The following CEP126 variants were observed in gnomAD, a reference collection of about 807,000 sequenced individuals.
CEP126 encodes centrosomal protein 126, also known as centrosomal protein of 126 kDa.
CEP126 carries 74 observed loss-of-function variants against 107.8 expected under a neutral mutation model. That is an observed-to-expected ratio of 0.69 (90% confidence interval 0.57 to 0.83). The LOEUF is 0.83. Ranked by LOEUF, CEP126 falls within the 40% of genes least tolerant of loss-of-function variation. CEP126 has a pLI of 0.00. For missense variants in CEP126, 1,237 were observed against 1,281.9 expected, an observed-to-expected ratio of 0.96 and a Z score of 0.53; for synonymous variants, 449 against 446.0, an observed-to-expected ratio of 1.01 and a Z score of -0.08.
intron 2 of CEP126, among the ~76,000 whole-genome samples, chr11:101,924,552 G>C (rs145614910): frequency 1.7e-4 from 26 of 151,858 alleles, no homozygotes; most frequent in Non-Finnish European, 3.4e-4. Context: ...TGCAACCTCC[G>C]CCTCCCAGAT....
At chr11:101,948,543 T>C (rs1940769932) in intron 4 of CEP126, among the ~76,000 whole-genome samples, 1 of 152,162 alleles carries the variant, frequency 6.6e-6, no homozygotes. Flanking sequence ...ACTGAAAATC[T>C]CTCCTGGATG....
chr11:101,917,313 T>C (rs147083835), intron 1 of CEP126, among the ~76,000 whole-genome samples: 1 of 152,020 alleles, frequency 6.6e-6, no homozygotes, highest in African/African-American at 2.4e-5. Flanking sequence ...GAGTAGGTGC[T>C]CAAATTTACA....
At chr11:101,954,636 T>TTATATA (rs766312807) in intron 4 of CEP126, among the ~76,000 whole-genome samples, 3,095 of 151,156 alleles carry the variant, frequency 0.02, 33 homozygotes, top group Middle Eastern at 0.028. Context: ...GTGTGTATGT[T>TTATATA]TATATATACA....
intron 3 of CEP126, 24 bp from the exon 4 acceptor site, chr11:101,948,007 G>C (rs754157562): frequency 1.5e-5 from 21 of 1,376,748 alleles, no homozygotes; most frequent in Admixed American, 3.4e-5. Flanking sequence ...ATTCTGTACT[G>C]TTCGGTCTTT....
At chr11:101,918,212 C>G (rs1940260563) in intron 1 of CEP126, among the ~76,000 whole-genome samples, 1 of 152,116 alleles carries the variant, frequency 6.6e-6, no homozygotes, top group Non-Finnish European at 1.5e-5. Context: ...CTTTGGGAGG[C>G]CGAGGTAGGC....
In CEP126 at chr11:101,937,518, A is replaced by G. The variant is rs541371719; in HGVS notation, c.249-6747A>G. Reference sequence around the variant, plus strand: ...ATTTCAGATTTTGGATTTGCTGATTAGAGATGCTTAACCTGTATTTTGTGA... The same window carrying G: ...ATTTCAGATTTTGGATTTGCTGATTGGAGATGCTTAACCTGTATTTTGTGA... On this transcript the variant is annotated intron_variant, in intron 2 of 10. Transcript: ENST00000263468. Among the ~76,000 whole-genome samples the G allele has an allele frequency of 1.2e-4, 18 of 152,340 alleles. No individual in the cohort carries two copies. In the South Asian group the frequency reaches 3.5e-3, roughly 30 times the overall value.
chr11:101,918,216 G>A (rs1470829463), intron 1 of CEP126, among the ~76,000 whole-genome samples: 2 of 152,166 alleles, frequency 1.3e-5, no homozygotes, highest in Non-Finnish European at 2.9e-5. Flanking sequence ...GGGAGGCCGA[G>A]GTAGGCAGAT....
At chr11:101,990,761 G>A (rs1200728554) in intron 9 of CEP126, among the ~76,000 whole-genome samples, 4 of 151,706 alleles carry the variant, frequency 2.6e-5, no homozygotes, top group Admixed American at 6.6e-5. Flanking sequence ...TCTACTGTGC[G>A]CACATGCAGG....
chr11:101,925,020 C>T (rs1940386428), intron 2 of CEP126, among the ~76,000 whole-genome samples: 1 of 152,182 alleles, frequency 6.6e-6, no homozygotes, highest in Non-Finnish European at 1.5e-5. Context: ...CAGTCAGTAT[C>T]TATACAATGG....
chr11:101,936,070 G>C, intron 2 of CEP126, among the ~76,000 whole-genome samples: 1 of 152,138 alleles, frequency 6.6e-6, no homozygotes, highest in Admixed American at 6.5e-5. Flanking sequence ...CTGGTTTTGA[G>C]TGGGATTGTG....
Position 101,992,797 on chromosome 11 carries a change from CA to C in CEP126, c.3269del (p.Asn1090ThrfsTer10). 1 of 1,518,246 alleles carries C rather than the reference CA, an allele frequency of 6.6e-7. No homozygotes were observed. The highest frequency in any genetic ancestry group is 8.9e-7 in the Non-Finnish European group (1 of 1,125,738). 94.0% of individuals were successfully genotyped at this position (1,518,246 alleles called of 1,614,324 possible). ...RLHYIQESIC[K>X]NPSIKNTLQI... ...TTTCAGATATACAAGAATCCATTTG[CA>C]AAAACCCATCCATCAAAAATACTTT... On this transcript the variant is annotated frameshift_variant, in exon 10 of 11. Coordinates refer to ENST00000263468, the MANE Select transcript of CEP126 (RefSeq NM_020802.4). LOFTEE classifies it high-confidence loss of function.
At chr11:101,944,703 A>C (rs1271184171) in intron 3 of CEP126, among the ~76,000 whole-genome samples, 1 of 152,176 alleles carries the variant, frequency 6.6e-6, no homozygotes, top group African/African-American at 2.4e-5. Flanking sequence ...TAGTACAAAG[A>C]AAATTTAACA....
intron 5 of CEP126, among the ~76,000 whole-genome samples, chr11:101,959,242 C>T (rs763768959): frequency 1.3e-5 from 2 of 151,774 alleles, no homozygotes; most frequent in African/African-American, 4.8e-5. Flanking sequence ...CTGCAACCTC[C>T]GCCTCCCAGG....
At chr11:101,985,988 ATTTCTTTTT>A (rs1439894326) in intron 8 of CEP126, among the ~76,000 whole-genome samples, 2 of 126,458 alleles carry the variant, frequency 1.6e-5, no homozygotes, top group African/African-American at 5.9e-5. Flanking sequence ...CTCTGAATTG[ATTTCTTTTT>A]TTTTTTTTTT....
In CEP126 at chr11:101,915,184, G is replaced by A; in HGVS notation, c.-101G>A. ...TCCGCGCCCGTGACGCGGGGCCTGA[G>A]AGACGGAGTGTAGGGAGGGGCCGAG... On this transcript the variant is annotated 5_prime_UTR_variant, in exon 1 of 11. Coordinates refer to ENST00000263468, the MANE Select transcript of CEP126 (RefSeq NM_020802.4). 6.5e-7 allele frequency: 1 copy of A among 1,534,462 alleles called. No individual in the cohort carries two copies. The highest frequency in any genetic ancestry group is 1.2e-5 in the South Asian group (1 of 81,148).
intron 10 of CEP126, among the ~76,000 whole-genome samples, chr11:101,995,586 A>C (rs1175305332): frequency 6.6e-6 from 1 of 152,132 alleles, no homozygotes; most frequent in African/African-American, 2.4e-5. Context: ...GTTCGTGGGG[A>C]AGGGGATCAA....
chr11:101,943,783 G>A (rs1390789353), intron 2 of CEP126, among the ~76,000 whole-genome samples: 1 of 152,002 alleles, frequency 6.6e-6, no homozygotes, highest in African/African-American at 2.4e-5. Context: ...ACATTTTTGT[G>A]TAAATTTCCT....
chr11:101,956,781 C>A (rs776043594), intron 4 of CEP126: 1 of 448,746 alleles, frequency 2.2e-6, no homozygotes, highest in Non-Finnish European at 4.5e-6. Context: ...TCCTTTCCCC[C>A]TATTCTTCAC....
chr11:101,942,442 T>C (rs945396741), intron 2 of CEP126, among the ~76,000 whole-genome samples: 2 of 152,040 alleles, frequency 1.3e-5, no homozygotes, highest in African/African-American at 4.8e-5. Flanking sequence ...AGAGGGTTTA[T>C]TTCTGGGCTC....
Sources: allele counts gnomAD v4.1 joint callset (sites outside exome capture counted in the v4.1 genomes callset), GRCh38; gene constraint gnomAD v4.1.1; transcripts MANE v1.5; gene names NCBI Gene and HGNC (gene_info 2026-07-23, HGNC 2026-07-21).